ECHDC3: variants seen among roughly 807,000 people sequenced by gnomAD.
The protein encoded by ECHDC3 is enoyl-CoA hydratase domain containing 3.
Under a neutral mutation model 17.9 loss-of-function variants are expected in ECHDC3, and 20 were observed. The observed-to-expected ratio is 1.12, with a 90% CI of 0.79 to 1.63. ECHDC3 has a LOEUF of 1.63. Among genes scored for constraint, ECHDC3 ranks in the 40% most tolerant of loss-of-function variants. The probability of loss-of-function intolerance (pLI) is 0.00; values close to 1 mark genes in which losing one functional copy is unlikely to be tolerated. For synonymous variants in ECHDC3, 177 were observed against 149.7 expected (o/e 1.18, Z -1.33); for missense variants, 407 against 357.7 (o/e 1.14, Z -1.11).
chr10:11,749,612 G>GACAGTCC lies in ECHDC3; in HGVS notation c.390+25_390+26insCCACAGT. 1 of 1,611,524 alleles carries GACAGTCC rather than the reference G, an allele frequency of 6.2e-7. No homozygotes were observed. The highest frequency in any genetic ancestry group is 2.2e-5 in the East Asian group (1 of 44,880). ...TCCAAGGTAAGCCAAGACGACAGTCGACAGTGCAAACCTGCAAATGATCAT... is the reference window on the plus strand; with the variant it reads ...TCCAAGGTAAGCCAAGACGACAGTCGACAGTCCACAGTGCAAACCTGCAAATGATCAT... On this transcript the variant is annotated intron_variant, in intron 3 of 4. Transcript: ENST00000379215.
chr10:11,756,192 T>C (rs1278445636), intron 4 of ECHDC3, among the ~76,000 whole-genome samples: 1 of 152,238 alleles, frequency 6.6e-6, no homozygotes, highest in Non-Finnish European at 1.5e-5. Flanking sequence ...GAAGGAGCCG[T>C]GTTGCAAAGT....
At chr10:11,758,722 A>T (rs1277478037) in intron 4 of ECHDC3, among the ~76,000 whole-genome samples, 1 of 152,158 alleles carries the variant, frequency 6.6e-6, no homozygotes, top group African/African-American at 2.4e-5. Context: ...CCCTCACTCC[A>T]GTGTGCTTCC....
Position 11,742,448 on chromosome 10 carries a change from G to A in ECHDC3, c.-129G>A. The A allele has an allele frequency of 1.0e-6, 1 of 971,030 alleles. No homozygotes were observed. Among genetic ancestry groups the A allele is most frequent in the East Asian group, 3.4e-5 (1 of 29,030 alleles). The allele number at this position is 971,030 out of a possible 1,614,324, so 60.2% of individuals were successfully genotyped here. ...CTGGGCCTGTCAGGCGGTTCCGTCC[G>A]GGTCTCGGCCACCGTCGAGTTCCGT... On this transcript the variant is annotated 5_prime_UTR_variant, in exon 1 of 5. Coordinates refer to ENST00000379215, the MANE Select transcript of ECHDC3 (RefSeq NM_024693.5).
At position 11,742,459 on chromosome 10, in the gene ECHDC3, A is replaced by G; in HGVS notation, c.-118A>G. ...AGGCGGTTCCGTCCGGGTCTCGGCCACCGTCGAGTTCCGTCGAGTTCCGTC... is the reference window on the plus strand; with the variant it reads ...AGGCGGTTCCGTCCGGGTCTCGGCCGCCGTCGAGTTCCGTCGAGTTCCGTC... On this transcript the variant is annotated 5_prime_UTR_variant, in exon 1 of 5. Coordinates refer to ENST00000379215, the MANE Select transcript of ECHDC3 (RefSeq NM_024693.5). The G allele has an allele frequency of 9.4e-7, 1 of 1,059,060 alleles. No individual in the cohort carries two copies. Among genetic ancestry groups the G allele is most frequent in the Non-Finnish European group, 1.2e-6 (1 of 834,276 alleles). The allele number at this position is 1,059,060 out of a possible 1,614,324, so 65.6% of individuals were successfully genotyped here. A position where few individuals can be genotyped will look rare whatever the true frequency, so the allele number is the denominator to read the frequency against.
intron 4 of ECHDC3, among the ~76,000 whole-genome samples, chr10:11,759,584 G>A (rs558567943): frequency 5.3e-5 from 8 of 152,298 alleles, no homozygotes; most frequent in South Asian, 2.1e-4. Flanking sequence ...CTGTGTTCCA[G>A]CAGGCTGAAT....
intron 3 of ECHDC3, among the ~76,000 whole-genome samples, chr10:11,754,836 C>T (rs1368945350): frequency 6.6e-6 from 1 of 152,242 alleles, no homozygotes; most frequent in Non-Finnish European, 1.5e-5. Flanking sequence ...CCCCACCAAG[C>T]TTAGTGTCCT....
chr10:11,759,470 T>A (rs1052470152), intron 4 of ECHDC3, among the ~76,000 whole-genome samples: 32 of 151,770 alleles, frequency 2.1e-4, no homozygotes, highest in African/African-American at 7.5e-4. Flanking sequence ...AGGAGGCAGG[T>A]CCTCACCAGT....
At chr10:11,759,663 G>T (rs973512815) in intron 4 of ECHDC3, among the ~76,000 whole-genome samples, 6 of 152,156 alleles carry the variant, frequency 3.9e-5, no homozygotes, top group Non-Finnish European at 7.3e-5. Flanking sequence ...TGTAGCACAC[G>T]GTTCTTGCCA....
rs1396894375 is a variant in ECHDC3 at position 11,742,486 on chromosome 10, C to T, written c.-91C>T. ...CGTCGAGTTCCGTCGAGTTCCGTCC[C>T]GGCCCTGCTCACAGCAGCGCCCTCG... On this transcript the variant is annotated 5_prime_UTR_variant, in exon 1 of 5. Coordinates refer to ENST00000379215, the MANE Select transcript of ECHDC3 (RefSeq NM_024693.5). 3.4e-6 allele frequency: 4 copies of T among 1,180,030 alleles called. No individual in the cohort carries two copies. The highest frequency in any genetic ancestry group is 3.3e-5 in the East Asian group (1 of 30,436). The allele number at this position is 1,180,030 out of a possible 1,614,324, so 73.1% of individuals were successfully genotyped here. A position where few individuals can be genotyped will look rare whatever the true frequency, so the allele number is the denominator to read the frequency against.
chr10:11,760,983 T>C (rs1832943838), intron 4 of ECHDC3, among the ~76,000 whole-genome samples: 1 of 152,202 alleles, frequency 6.6e-6, no homozygotes, highest in Non-Finnish European at 1.5e-5. Context: ...GTAAAATCGG[T>C]ACAGTTCCAA....
chr10:11,761,286 G>C (rs1023597001), intron 4 of ECHDC3, among the ~76,000 whole-genome samples: 1 of 152,192 alleles, frequency 6.6e-6, no homozygotes, highest in African/African-American at 2.4e-5. Context: ...ACAGCTTGGT[G>C]GGGGGTAGGT....
At position 11,760,055 on chromosome 10, in the gene ECHDC3, G is replaced by A. The variant is rs1462369457; in HGVS notation, c.592-3169G>A. On this transcript the variant is annotated intron_variant, in intron 4 of 4. Coordinates refer to ENST00000379215, the MANE Select transcript of ECHDC3 (RefSeq NM_024693.5). ...AACCAGGTCCCTGAGCTTTTCTTCT[G>A]CAAGCAAAATCTTCATAGTGACCTC... Among the ~76,000 whole-genome samples, 3 of 152,174 alleles carry A rather than the reference G, an allele frequency of 2.0e-5. No homozygotes were observed. In the East Asian group the frequency reaches 5.8e-4, roughly 29 times the overall value.
chr10:11,744,301 A>G (rs1023140561), intron 1 of ECHDC3, among the ~76,000 whole-genome samples: 2 of 152,116 alleles, frequency 1.3e-5, no homozygotes, highest in African/African-American at 2.4e-5. Context: ...CTCTGTTTCT[A>G]CTCACCACTT....
At chr10:11,755,663 C>T in intron 4 of ECHDC3, 55 bp downstream of exon 4, 2 of 1,490,098 alleles carry the variant, frequency 1.3e-6, no homozygotes, top group South Asian at 2.4e-5. Flanking sequence ...GGAGTTCCTC[C>T]TCCAGTGCAT....
intron 1 of ECHDC3, among the ~76,000 whole-genome samples, chr10:11,746,442 A>G (rs1832761411): frequency 6.6e-6 from 1 of 151,990 alleles, no homozygotes. Context: ...ATAATAATTT[A>G]ATTGTACATT....
intron 3 of ECHDC3, among the ~76,000 whole-genome samples, chr10:11,754,550 G>A (rs942678018): frequency 6.6e-6 from 1 of 152,126 alleles, no homozygotes; most frequent in Non-Finnish European, 1.5e-5. Flanking sequence ...AGAATTGGGA[G>A]CATCTTCATG....
In ECHDC3 at chr10:11,764,000, A is replaced by G. The variant is rs559732762; in HGVS notation, c.*456A>G. 17 of 964,374 alleles carry G rather than the reference A, an allele frequency of 1.8e-5. No individual in the cohort carries two copies. The South Asian group carries it at 4.8e-4, about 27-fold the overall frequency. The allele number at this position is 964,374 out of a possible 1,614,324, so 59.7% of individuals were successfully genotyped here. On this transcript the variant is annotated 3_prime_UTR_variant, in exon 5 of 5. Coordinates refer to ENST00000379215, the MANE Select transcript of ECHDC3 (RefSeq NM_024693.5). This position sits in a 1 kb window ranked among gnomAD's most constrained non-coding sequence, Gnocchi z 4.9. ...CCACACAGAAAATCTTCTTGATTCTATAGAGACTTAATCATGCCTATGGCT... is the reference window on the plus strand; with the variant it reads ...CCACACAGAAAATCTTCTTGATTCTGTAGAGACTTAATCATGCCTATGGCT...
At chr10:11,756,664 A>G (rs1832889050) in intron 4 of ECHDC3, among the ~76,000 whole-genome samples, 1 of 152,200 alleles carries the variant, frequency 6.6e-6, no homozygotes, top group Non-Finnish European at 1.5e-5. Context: ...ACACTACAGT[A>G]GGTGCCGGCT....
In ECHDC3 at chr10:11,742,706, GAGCCGCGGCCCACC is replaced by G. The variant is rs1832709431; in HGVS notation, c.134_147del (p.Pro45ArgfsTer32). 8.1e-7 allele frequency: 1 copy of G among 1,239,426 alleles called. No homozygotes were observed. Among genetic ancestry groups the G allele is most frequent in the Non-Finnish European group, 1.0e-6 (1 of 992,638 alleles). 76.8% of individuals were successfully genotyped at this position (1,239,426 alleles called of 1,614,324 possible). ...GGCCGGGGCGGGGCGGCGGGAGTCG[GAGCCGCGGCCCACC>G]AGCGCGCGGCAGCTGGACGGCATAA... On this transcript the variant is annotated frameshift_variant, in exon 1 of 5. Coordinates refer to ENST00000379215, the MANE Select transcript of ECHDC3 (RefSeq NM_024693.5). LOFTEE classifies it high-confidence loss of function.
Sources: gnomAD v4.1 joint callset for allele counts (sites outside exome capture counted in the v4.1 genomes callset) on GRCh38, gnomAD v4.1.1 for gene constraint, Gnocchi (gnomAD v3.1) non-coding constraint, MANE v1.5 for transcripts, NCBI Gene and HGNC (gene_info 2026-07-23, HGNC 2026-07-21) for gene names.